Variants in HIVEP1 observed in about 807,000 individuals in gnomAD.
HIVEP1 encodes the protein HIVEP zinc finger 1, also known as zinc finger protein 40.
HIVEP1 carries 36 observed loss-of-function variants against 180.0 expected under a neutral mutation model. The ratio of observed to expected loss-of-function variants is 0.20; its 90% CI spans 0.15 to 0.26. The LOEUF (loss-of-function observed/expected upper bound fraction) is 0.26, where lower values mean the gene tolerates loss of function less well. Ranked by LOEUF, HIVEP1 falls within the 10% of genes least tolerant of loss-of-function variation. The pLI, the probability that HIVEP1 is intolerant of heterozygous loss-of-function variation, is 1.00. For synonymous variants in HIVEP1, 1,239 were observed against 1,239.0 expected (o/e 1.00, Z 0.00); for missense variants, 3,143 against 3,268.7 (o/e 0.96, Z 0.94).
At chr6:12,156,809 G>A (rs1048960388) in intron 7 of HIVEP1, among the ~76,000 whole-genome samples, 2 of 152,148 alleles carry the variant, frequency 1.3e-5, no homozygotes, top group African/African-American at 4.8e-5. Flanking sequence ...TATATAAAAA[G>A]TATGTTCTGC....
the HIVEP1 span, among the ~76,000 whole-genome samples, chr6:12,181,766 A>C: frequency 6.6e-6 from 1 of 152,186 alleles, no homozygotes; most frequent in Non-Finnish European, 1.5e-5. Flanking sequence ...ATAGTGATAC[A>C]AGTTGCAAAG....
chr6:12,031,027 G>GT (rs1358012251), intron 2 of HIVEP1, among the ~76,000 whole-genome samples: 1 of 148,216 alleles, frequency 6.7e-6, no homozygotes, highest in African/African-American at 2.5e-5. Flanking sequence ...GCTTTCGTTT[G>GT]TTTGTTTTTT....
chr6:12,181,830 C>A, the HIVEP1 span, among the ~76,000 whole-genome samples: 1 of 152,158 alleles, frequency 6.6e-6, no homozygotes, highest in South Asian at 2.1e-4. Flanking sequence ...CATCATAAAA[C>A]ATGGATGCTA....
chr6:12,017,485 A>C (rs1000924586), intron 2 of HIVEP1, among the ~76,000 whole-genome samples: 1 of 152,258 alleles, frequency 6.6e-6, no homozygotes, highest in African/African-American at 2.4e-5. Flanking sequence ...ATTTATTGCA[A>C]AGAGCACAAC....
chr6:12,175,945 T>C, the HIVEP1 span, among the ~76,000 whole-genome samples: 1 of 152,090 alleles, frequency 6.6e-6, no homozygotes, highest in Non-Finnish European at 1.5e-5. Context: ...TTGCATATGA[T>C]TGCTACTGGG....
chr6:12,032,717 C>A (rs1405479700), intron 2 of HIVEP1, among the ~76,000 whole-genome samples: 2 of 152,202 alleles, frequency 1.3e-5, no homozygotes, highest in African/African-American at 4.8e-5. Context: ...TGTTTACCCA[C>A]CCAGAAAGTT....
chr6:12,135,823 CA>C lies in HIVEP1; in HGVS notation c.6419del (p.His2140LeufsTer8). 1 of 1,612,242 alleles carries C rather than the reference CA, an allele frequency of 6.2e-7. No homozygotes were observed. On this transcript the variant is annotated frameshift_variant, in exon 7 of 9. Transcript: ENST00000379388. LOFTEE classifies it high-confidence loss of function. The part of the protein sequence containing the change: ...NLTKHMKSKA[H>X]SKKCVDLGVS... ...GACAAAACACATGAAGTCCAAGGCA[CA>C]TAGCAAGAAATGTGTGGATTTAGGC...
chr6:12,167,638 TAC>T (rs1199066874), downstream of HIVEP1, among the ~76,000 whole-genome samples: 1 of 14,150 alleles, frequency 7.1e-5, no homozygotes, highest in Non-Finnish European at 1.3e-4. Context: ...ATGTTATATA[TAC>T]ATATACATAT....
intron 2 of HIVEP1, among the ~76,000 whole-genome samples, chr6:12,042,072 C>CTT (rs551684741): frequency 6.2e-4 from 79 of 128,126 alleles, no homozygotes; most frequent in East Asian, 1.4e-3. Context: ...TATTCGTACG[C>CTT]TTTTTTTTTT....
chr6:12,065,680 TGTGTGTGTGTGC>T (rs1771522725), intron 2 of HIVEP1, among the ~76,000 whole-genome samples: 1 of 76,578 alleles, frequency 1.3e-5, no homozygotes, highest in African/African-American at 5.0e-5. Context: ...TGTGTGTGTG[TGTGTGTGTGTGC>T]GTGTGTGTGT....
the HIVEP1 span, among the ~76,000 whole-genome samples, chr6:12,199,250 A>G: frequency 6.6e-6 from 1 of 152,196 alleles, no homozygotes; most frequent in Non-Finnish European, 1.5e-5. Flanking sequence ...AGAAGACAGG[A>G]CACCAGTCAC....
Position 12,161,342 on chromosome 6 carries a change from A to G in HIVEP1, c.6488-97A>G, listed in dbSNP as rs72828113. The G allele has an allele frequency of 1.9e-3, 2,180 of 1,172,890 alleles. 22 individuals carry two copies. Among genetic ancestry groups the G allele is most frequent in the South Asian group, 0.013 (856 of 66,756 alleles). The allele number at this position is 1,172,890 out of a possible 1,614,324, so 72.7% of individuals were successfully genotyped here. ...GTGGGCAGGGTCCTTGTCTTTTATA[A>G]TCCTTGCAGAGTTGCCAAACGTATA... On this transcript the variant is annotated intron_variant, in intron 7 of 8. Coordinates refer to ENST00000379388, the MANE Select transcript of HIVEP1 (RefSeq NM_002114.4).
chr6:12,042,519 G>A (rs1769842784), intron 2 of HIVEP1, among the ~76,000 whole-genome samples: 1 of 150,682 alleles, frequency 6.6e-6, no homozygotes, highest in Non-Finnish European at 1.5e-5. Flanking sequence ...CCTATCTTAT[G>A]CTTTTATTTT....
At position 12,122,324 on chromosome 6, in the gene HIVEP1, G is replaced by A. The variant is rs34520269; in HGVS notation, c.2529G>A (p.Pro843=). The change falls in exon 4 of 9, where the codon CCG becomes CCA. Residue 843 remains proline (P), a synonymous_variant. Coordinates refer to ENST00000379388, the MANE Select transcript of HIVEP1 (RefSeq NM_002114.4). ...CLPITRSNSM[P]TTGYSAVPAN... is the part of the protein sequence containing the mutation. ...CTATCACAAGAAGTAATTCCATGCCGACCACAGGTTATTCAGCAGTACCTG... is the reference window on the plus strand; with the variant it reads ...CTATCACAAGAAGTAATTCCATGCCAACCACAGGTTATTCAGCAGTACCTG... 9,668 of 1,614,112 alleles carry A rather than the reference G, an allele frequency of 6.0e-3. 25 individuals carry two copies. The highest frequency in any genetic ancestry group is 7.6e-3 in the Middle Eastern group (46 of 6,062).
At chr6:12,149,440 C>T (rs897110218) in intron 7 of HIVEP1, among the ~76,000 whole-genome samples, 1 of 152,112 alleles carries the variant, frequency 6.6e-6, no homozygotes, top group African/African-American at 2.4e-5. Flanking sequence ...TAATCATCAC[C>T]AGGAAACGTC....
intron 2 of HIVEP1, among the ~76,000 whole-genome samples, chr6:12,084,129 ACT>A (rs1772964145): frequency 1.3e-5 from 2 of 151,778 alleles, no homozygotes; most frequent in South Asian, 2.1e-4. Context: ...TGCTATGGCA[ACT>A]CTCTCAGCTT....
intron 8 of HIVEP1, among the ~76,000 whole-genome samples, chr6:12,162,385 G>A (rs1053201295): frequency 2.0e-5 from 3 of 152,196 alleles, no homozygotes; most frequent in African/African-American, 7.2e-5. Context: ...ACAGCTACCA[G>A]TTTCTATGGC....
the HIVEP1 span, among the ~76,000 whole-genome samples, chr6:12,174,675 G>T: frequency 6.6e-6 from 1 of 152,148 alleles, no homozygotes; most frequent in Non-Finnish European, 1.5e-5. Context: ...AGATTCAGGC[G>T]ACAAAACATT....
chr6:12,195,058 GA>G, the HIVEP1 span, among the ~76,000 whole-genome samples: 2 of 152,144 alleles, frequency 1.3e-5, no homozygotes, highest in African/African-American at 4.8e-5. Context: ...TTCCTCACAA[GA>G]AAAACTGAAT....
Sources: gnomAD v4.1 joint callset for allele counts (sites outside exome capture counted in the v4.1 genomes callset) on GRCh38, gnomAD v4.1.1 for gene constraint, MANE v1.5 for transcripts, NCBI Gene and HGNC (gene_info 2026-07-23, HGNC 2026-07-21) for gene names.